PCDHGA2: variants seen among roughly 807,000 people sequenced by gnomAD.
PCDHGA2 encodes protocadherin gamma-A2.
In PCDHGA2, 40 loss-of-function variants were observed where a neutral mutation model predicts 59.2. That is an observed-to-expected ratio of 0.68 (90% CI 0.52 to 0.88). PCDHGA2 has a LOEUF of 0.88. Ranked by LOEUF, PCDHGA2 falls within the 40% of genes least tolerant of loss-of-function variation. The pLI is 0.00. For synonymous variants in PCDHGA2, 560 were observed against 526.0 expected (o/e 1.06, Z -0.89); for missense variants, 1,226 against 1,204.0 (o/e 1.02, Z -0.27).
At chr5:141,437,460 T>C (rs2097886220) in intron 1 of PCDHGA2, among the ~76,000 whole-genome samples, 1 of 152,230 alleles carries the variant, frequency 6.6e-6, no homozygotes, top group South Asian at 2.1e-4. Flanking sequence ...GAGACTATAC[T>C]ATACTTTTAT....
At chr5:141,376,334 C>A (rs11575955) in intron 1 of PCDHGA2, 21,352 of 1,614,178 alleles carry the variant, frequency 0.013, 167 homozygotes, top group Non-Finnish European at 0.016. Flanking sequence ...GGCTTTCCTG[C>A]AGACCTATTC....
intron 1 of PCDHGA2, chr5:141,422,963 C>G (rs372620011): frequency 1.1e-5 from 17 of 1,614,238 alleles, no homozygotes; most frequent in Non-Finnish European, 1.4e-5. Context: ...GTGGAGCTGG[C>G]GCCCCGCTCT....
intron 1 of PCDHGA2, among the ~76,000 whole-genome samples, chr5:141,482,488 G>C (rs1401943298): frequency 7.7e-6 from 1 of 130,410 alleles, no homozygotes; most frequent in African/African-American, 3.1e-5. Context: ...ACAATTAAAA[G>C]TTATCATTCT....
chr5:141,499,570 A>G (rs1027373056), intron 2 of PCDHGA2, among the ~76,000 whole-genome samples: 2 of 152,200 alleles, frequency 1.3e-5, no homozygotes, highest in African/African-American at 4.8e-5. Context: ...TCCAGCTTCA[A>G]CTAATGCCTT....
chr5:141,389,993 G>GCTCT (rs1379154076), intron 1 of PCDHGA2: 4 of 1,614,016 alleles, frequency 2.5e-6, no homozygotes, highest in Non-Finnish European at 2.5e-6. Flanking sequence ...TCTTCCTCGT[G>GCTCT]GCCATGATTC....
At chr5:141,420,965 TA>T (rs1468739825) in intron 1 of PCDHGA2, 6 of 433,892 alleles carry the variant, frequency 1.4e-5, no homozygotes, top group African/African-American at 1.0e-4. Flanking sequence ...GTCGTTGCAA[TA>T]ATAAGAATGG....
chr5:141,344,628 G>A (rs1285541225), intron 1 of PCDHGA2: 1 of 1,613,846 alleles, frequency 6.2e-7, no homozygotes, highest in African/African-American at 1.3e-5. Flanking sequence ...GCTGGAGCGG[G>A]CCCTGGACCG....
intron 1 of PCDHGA2, chr5:141,430,693 C>A: frequency 1.4e-6 from 2 of 1,425,428 alleles, no homozygotes; most frequent in Admixed American, 2.6e-5. Context: ...ATTCTATGGG[C>A]GAAGGAACTG....
rs1263406836 is a variant in PCDHGA2 at position 141,491,918 on chromosome 5, G to A, written c.2425-2889G>A. On this transcript the variant is annotated intron_variant, in intron 1 of 3. Coordinates refer to ENST00000394576, the MANE Select transcript of PCDHGA2 (RefSeq NM_018915.4). The surrounding 1 kb of genome is among the most constrained non-coding windows in gnomAD (Gnocchi z 6.9). ...GCACCGGGGGTGGTGGCGACTGTGGGCGAGGGGAGGTGGGACCGACCCCCA... is the reference window on the plus strand; with the variant it reads ...GCACCGGGGGTGGTGGCGACTGTGGACGAGGGGAGGTGGGACCGACCCCCA... 2 of 1,371,698 alleles carry A rather than the reference G, an allele frequency of 1.5e-6. No homozygotes were observed. Among genetic ancestry groups the A allele is most frequent in the Non-Finnish European group, 1.9e-6 (2 of 1,028,962 alleles). 85.0% of individuals were successfully genotyped at this position (1,371,698 alleles called of 1,614,324 possible).
At chr5:141,355,491 C>T (rs1195387983) in intron 1 of PCDHGA2, 1 of 1,614,050 alleles carries the variant, frequency 6.2e-7, no homozygotes, top group Non-Finnish European at 8.5e-7. Context: ...AGCTCTGCGA[C>T]AGATCTCCAA....
At chr5:141,488,236 T>G (rs1333427955) in intron 1 of PCDHGA2, among the ~76,000 whole-genome samples, 2 of 152,154 alleles carry the variant, frequency 1.3e-5, no homozygotes, top group Non-Finnish European at 2.9e-5. Context: ...TTGAACTAGA[T>G]GCGGTAAATT....
chr5:141,351,409 G>A, intron 1 of PCDHGA2: 2 of 1,611,420 alleles, frequency 1.2e-6, no homozygotes, highest in Non-Finnish European at 1.7e-6. Context: ...GCTATACTCA[G>A]GAAGAAGTTC....
At chr5:141,387,089 G>T (rs1034064461) in intron 1 of PCDHGA2, among the ~76,000 whole-genome samples, 1 of 152,162 alleles carries the variant, frequency 6.6e-6, no homozygotes, top group African/African-American at 2.4e-5. Flanking sequence ...TGTGATCATC[G>T]AAATGAGAAT....
chr5:141,419,735 G>T (rs1013306543), intron 1 of PCDHGA2: 1 of 1,613,806 alleles, frequency 6.2e-7, no homozygotes, highest in Non-Finnish European at 8.5e-7. Context: ...AACAGGCGAG[G>T]TGCGCATGGT....
At chr5:141,420,052 C>T (rs535784301) in intron 1 of PCDHGA2, 1 of 1,614,070 alleles carries the variant, frequency 6.2e-7, no homozygotes, top group South Asian at 1.1e-5. Flanking sequence ...AGTCAGTTCT[C>T]TGCTCCAAGT....
chr5:141,405,621 C>T lies in PCDHGA2; in HGVS notation c.2424+64226C>T, dbSNP rs2094693815. 9.2e-6 allele frequency: 5 copies of T among 543,194 alleles called. No individual in the cohort carries two copies. In the South Asian group the frequency reaches 1.0e-4, roughly 11 times the overall value. 33.6% of individuals were successfully genotyped at this position (543,194 alleles called of 1,614,324 possible). ...AGTAGAATAACTGGGACTACAGGCA[C>T]GTGCCACCACGCCCGGCTAATTTTT... On this transcript the variant is annotated intron_variant, in intron 1 of 3. Coordinates refer to ENST00000394576, the MANE Select transcript of PCDHGA2 (RefSeq NM_018915.4).
At chr5:141,404,224 AAC>A (rs1416261372) in intron 1 of PCDHGA2, 1 of 1,613,704 alleles carries the variant, frequency 6.2e-7, no homozygotes, top group Non-Finnish European at 8.5e-7. Flanking sequence ...CGGTGACTGC[AAC>A]AGACAGAGGA....
At chr5:141,422,724 G>T (rs560544401) in intron 1 of PCDHGA2, 3 of 1,606,016 alleles carry the variant, frequency 1.9e-6, no homozygotes, top group Admixed American at 3.3e-5. Context: ...CTGTCCAGGG[G>T]GTGCCTCTGT....
chr5:141,459,506 A>G (rs1156362858), intron 1 of PCDHGA2, among the ~76,000 whole-genome samples: 1 of 152,236 alleles, frequency 6.6e-6, no homozygotes, highest in East Asian at 1.9e-4. Flanking sequence ...GATGTGAACA[A>G]TCATGTACAA....
Sources: allele counts gnomAD v4.1 joint callset (sites outside exome capture counted in the v4.1 genomes callset), GRCh38; gene constraint gnomAD v4.1.1; non-coding constraint Gnocchi (gnomAD v3.1); transcripts MANE v1.5; gene names NCBI Gene and HGNC (gene_info 2026-07-23, HGNC 2026-07-21).